The following ZER1 variants were observed in gnomAD, a reference collection of about 807,000 sequenced individuals.
ZER1 encodes zyg-11 related cell cycle regulator, also known as protein zer-1 homolog.
ZER1 carries 11 observed loss-of-function variants against 78.8 expected under a neutral mutation model. The observed-to-expected ratio is 0.14, with a 90% confidence interval of 0.09 to 0.23. ZER1 has a LOEUF of 0.23. Among genes scored for constraint, ZER1 ranks in the 10% least tolerant of loss-of-function variants. The pLI is 1.00. For synonymous variants in ZER1, 400 were observed against 407.0 expected, an observed-to-expected ratio of 0.98 and a Z score of 0.21; for missense variants, 588 against 996.9, an observed-to-expected ratio of 0.59 and a Z score of 5.52.
chr9:128,733,417 G>A lies in ZER1; in HGVS notation c.2243+9C>T, dbSNP rs185301472. On this transcript the variant is annotated intron_variant, in intron 15 of 15. Coordinates refer to ENST00000291900, the MANE Select transcript of ZER1 (RefSeq NM_006336.4). ...GGTTCCAGGCAGAAACACACTGCTG[G>A]TCTCTTACCGGGCCATTTCCTTGGT... The A allele has an allele frequency of 2.3e-5, 37 of 1,613,136 alleles. 1 individual carries two copies. The Admixed American group carries it at 4.8e-4, about 21-fold the overall frequency.
intron 1 of ZER1, among the ~76,000 whole-genome samples, chr9:128,765,644 G>A (rs941113558): frequency 6.6e-6 from 1 of 152,164 alleles, no homozygotes; most frequent in South Asian, 2.1e-4. Context: ...CCTTGGAGCA[G>A]TACTCACCCT....
intron 13 of ZER1, among the ~76,000 whole-genome samples, chr9:128,736,494 C>T (rs1195277992): frequency 5.3e-5 from 8 of 150,530 alleles, no homozygotes; most frequent in Non-Finnish European, 7.4e-5. Context: ...CCTGGGTTCA[C>T]ATGATTCTCC....
At chr9:128,750,835 G>C (rs368257998) in intron 7 of ZER1, 46 bp from the exon 8 acceptor site, 86 of 1,608,860 alleles carry the variant, frequency 5.3e-5, no homozygotes, top group Non-Finnish European at 7.1e-5. Context: ...GCAGGGAGAG[G>C]CCTGGGCTCT....
intron 8 of ZER1, 144 bp downstream of exon 8, chr9:128,750,472 G>A (rs985423526): frequency 2.1e-6 from 2 of 957,956 alleles, no homozygotes; most frequent in African/African-American, 1.6e-5. Flanking sequence ...GAAGGGCCAG[G>A]TCCCAAGAGT....
At chr9:128,739,726 CA>C (rs1329580590) in intron 13 of ZER1, among the ~76,000 whole-genome samples, 3 of 151,978 alleles carry the variant, frequency 2.0e-5, no homozygotes, top group African/African-American at 7.3e-5. Context: ...GCATGTATGA[CA>C]AATGCTCCAG....
chr9:128,731,294 C>G lies in ZER1; in HGVS notation c.*43G>C, dbSNP rs373236789. On this transcript the variant is annotated 3_prime_UTR_variant, in exon 16 of 16. Transcript: ENST00000291900. Reference sequence around the variant, plus strand: ...GGGCTGCTTGAGCATGCTTCCTCCCCGCCTGTGGTCCAGAGCGGTGGCGGC... The same window carrying G: ...GGGCTGCTTGAGCATGCTTCCTCCCGGCCTGTGGTCCAGAGCGGTGGCGGC... 58 of 1,602,854 alleles carry G rather than the reference C, an allele frequency of 3.6e-5. 3 individuals are homozygous for G. In the East Asian group the frequency reaches 4.0e-4, roughly 11 times the overall value.
rs1325220751 is a variant in ZER1 at position 128,754,446 on chromosome 9, C to T, written c.159-487G>A. On this transcript the variant is annotated intron_variant, in intron 2 of 15. Coordinates refer to ENST00000291900, the MANE Select transcript of ZER1 (RefSeq NM_006336.4). The surrounding 1 kb of genome is among the most constrained non-coding windows in gnomAD (Gnocchi z 4.3). ...ATGCTTTGGATTCAAACGCTTTAGA[C>T]TCTAAATCTTGGCTTGGCTGCTTCC... is the stretch of plus-strand genomic sequence containing the variant. 1.3e-5 allele frequency among the ~76,000 whole-genome samples: 2 copies of T among 152,208 alleles called. No homozygotes were observed. The highest frequency in any genetic ancestry group is 2.9e-5 in the Non-Finnish European group (2 of 68,032).
Position 128,750,691 on chromosome 9 carries a change from T to C in ZER1, c.1284A>G (p.Ser428=). 7 of 1,614,262 alleles carry C rather than the reference T, an allele frequency of 4.3e-6. No individual in the cohort carries two copies. Among genetic ancestry groups the C allele is most frequent in the Non-Finnish European group, 5.9e-6 (7 of 1,180,048 alleles). The change falls in exon 8 of 16, where the codon TCA becomes TCG. Residue 428 remains serine, a synonymous_variant. Transcript: ENST00000291900. ...LFYLTNSEYR[S]EQSVKLRRQV... ...GCCGGCGCAGCTTCACACTCTGCTC[T>C]GAGCGGTACTCGGAATTTGTTAGGT... is the stretch of plus-strand genomic sequence containing the variant.
chr9:128,736,882 A>T (rs1203685247), intron 13 of ZER1, among the ~76,000 whole-genome samples: 1 of 151,636 alleles, frequency 6.6e-6, no homozygotes, highest in Non-Finnish European at 1.5e-5. Context: ...AATGGCTCAC[A>T]CCTGTAATCC....
intron 1 of ZER1, among the ~76,000 whole-genome samples, chr9:128,760,328 G>A (rs1329707543): frequency 6.6e-6 from 1 of 151,992 alleles, no homozygotes; most frequent in Non-Finnish European, 1.5e-5. Flanking sequence ...CCAGCCTCCC[G>A]AGTAGCTGAG....
chr9:128,763,669 G>C (rs1864118059), intron 1 of ZER1, among the ~76,000 whole-genome samples: 2 of 152,154 alleles, frequency 1.3e-5, no homozygotes, highest in South Asian at 4.1e-4. Flanking sequence ...CCCTGGACTG[G>C]GGAGTCAGAG....
chr9:128,735,520 C>T (rs1427576340), intron 13 of ZER1, 89 bp from the exon 14 acceptor site: 7 of 1,283,908 alleles, frequency 5.5e-6, no homozygotes, highest in Non-Finnish European at 7.6e-6. Context: ...CTGGAGAATC[C>T]TAGTGACCAA....
intron 13 of ZER1, among the ~76,000 whole-genome samples, chr9:128,736,774 C>A (rs1379916684): frequency 6.6e-6 from 1 of 150,950 alleles, no homozygotes; most frequent in Non-Finnish European, 1.5e-5. Flanking sequence ...CCAGGCCATG[C>A]AAGTGTTCCT....
At chr9:128,765,133 C>G (rs1016830712) in intron 1 of ZER1, among the ~76,000 whole-genome samples, 4 of 152,184 alleles carry the variant, frequency 2.6e-5, no homozygotes, top group Non-Finnish European at 4.4e-5. Context: ...AATTTGTCAA[C>G]TGACACCCTC....
rs922588272 is a variant in ZER1, at chr9:128,741,006, T to C, written c.1738-119A>G. The C allele has an allele frequency of 7.5e-6, 5 of 662,802 alleles. No homozygotes were observed. In the East Asian group the frequency reaches 1.3e-4, roughly 18 times the overall value. 41.1% of individuals were successfully genotyped at this position (662,802 alleles called of 1,614,324 possible). A position where few individuals can be genotyped will look rare whatever the true frequency, so the allele number is the denominator to read the frequency against. On this transcript the variant is annotated intron_variant, in intron 11 of 15. Coordinates refer to ENST00000291900, the MANE Select transcript of ZER1 (RefSeq NM_006336.4). ...ATGCCAACTAGACAAAGAGGGGGCATATATGCTGCCCTCCTACCCTCCAAT... is the reference window on the plus strand; with the variant it reads ...ATGCCAACTAGACAAAGAGGGGGCACATATGCTGCCCTCCTACCCTCCAAT...
At chr9:128,734,143 AAATAT>A (rs1359016020) in intron 14 of ZER1, among the ~76,000 whole-genome samples, 2 of 36,974 alleles carry the variant, frequency 5.4e-5, no homozygotes, top group African/African-American at 8.3e-5. Flanking sequence ...AAAAAAAAAA[AAATAT>A]ATATATATAT....
intron 8 of ZER1, among the ~76,000 whole-genome samples, chr9:128,743,904 T>C (rs1863394681): frequency 7.0e-6 from 1 of 142,094 alleles, no homozygotes; most frequent in African/African-American, 2.6e-5. Context: ...TTTTTTTTTT[T>C]TTTTTTTTTT....
intron 14 of ZER1, among the ~76,000 whole-genome samples, chr9:128,734,279 C>T (rs1291713139): frequency 1.4e-5 from 2 of 145,618 alleles, no homozygotes; most frequent in African/African-American, 2.5e-5. Flanking sequence ...TCACTGCAAC[C>T]TCTGCCTCCT....
intron 14 of ZER1, among the ~76,000 whole-genome samples, chr9:128,734,714 T>C (rs1429240330): frequency 6.6e-6 from 1 of 152,150 alleles, no homozygotes; most frequent in Non-Finnish European, 1.5e-5. Flanking sequence ...TTGAGGAATT[T>C]CTGTAAAAAT....
Sources: allele counts gnomAD v4.1 joint callset (sites outside exome capture counted in the v4.1 genomes callset), GRCh38; gene constraint gnomAD v4.1.1; non-coding constraint Gnocchi (gnomAD v3.1); transcripts MANE v1.5; gene names NCBI Gene and HGNC (gene_info 2026-07-23, HGNC 2026-07-21).